Variants in DSCAML1 observed in about 807,000 individuals in gnomAD.
DSCAML1 encodes cell adhesion molecule DSCAML1.
A neutral mutation model predicts 200.5 loss-of-function variants in DSCAML1; 38 were observed. That is an observed-to-expected ratio of 0.19 (90% CI 0.15 to 0.25). The LOEUF is 0.25. DSCAML1 is among the 10% of genes least tolerant of loss of function. DSCAML1 has a pLI of 1.00. For missense variants in DSCAML1, 2,223 were observed against 2,858.8 expected (o/e 0.78, Z 5.07); for synonymous variants, 1,215 against 1,165.0 (o/e 1.04, Z -0.87).
At chr11:117,662,212 T>G (rs1361765560) in intron 3 of DSCAML1, among the ~76,000 whole-genome samples, 2 of 152,156 alleles carry the variant, frequency 1.3e-5, no homozygotes, top group Admixed American at 1.3e-4. Context: ...CATGTTTTTT[T>G]AAAAAAGGAT....
intron 19 of DSCAML1, among the ~76,000 whole-genome samples, chr11:117,453,410 G>T (rs2048316712): frequency 6.6e-6 from 1 of 152,062 alleles, no homozygotes; most frequent in African/African-American, 2.4e-5. Context: ...AATATCCTCT[G>T]GTATTTCTCT....
intron 3 of DSCAML1, among the ~76,000 whole-genome samples, chr11:117,669,810 G>A (rs79403057): frequency 0.017 from 2,661 of 152,340 alleles, 75 homozygotes; most frequent in South Asian, 0.14. Context: ...GGGCAGGGGC[G>A]GATGGAACAT....
intron 3 of DSCAML1, among the ~76,000 whole-genome samples, chr11:117,710,885 G>A (rs764665621): frequency 8.5e-5 from 13 of 152,110 alleles, no homozygotes; most frequent in East Asian, 1.9e-4. Context: ...AGAGCACATC[G>A]AGCCCTAAGC....
At chr11:117,672,102 G>GAAAAAATAAAAAAA (rs2053121526) in intron 3 of DSCAML1, among the ~76,000 whole-genome samples, 1 of 94,508 alleles carries the variant, frequency 1.1e-5, no homozygotes, top group African/African-American at 4.9e-5. Flanking sequence ...CTCCAGCTCA[G>GAAAAAATAAAAAAA]AAAAAAAAAA....
chr11:117,613,756 C>A (rs1042367861), intron 3 of DSCAML1, among the ~76,000 whole-genome samples: 3 of 152,156 alleles, frequency 2.0e-5, no homozygotes, highest in African/African-American at 7.2e-5. Context: ...CCCAGGGGGT[C>A]GGAGACTGAG....
chr11:117,773,188 C>T (rs970334789), intron 3 of DSCAML1, among the ~76,000 whole-genome samples: 5 of 152,146 alleles, frequency 3.3e-5, no homozygotes, highest in African/African-American at 1.2e-4. Flanking sequence ...CGTGGGAGAG[C>T]CAGCTCCCAT....
At position 117,694,411 on chromosome 11, in the gene DSCAML1, A is replaced by G. The variant is rs192601024; in HGVS notation, c.511+82380T>C. Among the ~76,000 whole-genome samples the G allele has an allele frequency of 1.9e-3, 279 of 143,934 alleles. 1 individual carries two copies. Among genetic ancestry groups the G allele is most frequent in the African/African-American group, 6.8e-3 (266 of 38,962 alleles). The allele number at this position is 143,934 out of a possible 152,430, so 94.4% of individuals were successfully genotyped here. On this transcript the variant is annotated intron_variant, in intron 3 of 32. Transcript: ENST00000651296. ...ACAGAGCTAGACTCCATCTCAAAAG[A>G]AAAAAAAAAAAAGATATGTGTCCAT... is the stretch of plus-strand genomic sequence containing the variant.
At chr11:117,710,761 C>G (rs1022565133) in intron 3 of DSCAML1, among the ~76,000 whole-genome samples, 1 of 152,182 alleles carries the variant, frequency 6.6e-6, no homozygotes, top group Non-Finnish European at 1.5e-5. Flanking sequence ...TAGGCAATGT[C>G]GGCTGAGCCC....
chr11:117,718,713 T>A (rs537817300), intron 3 of DSCAML1, among the ~76,000 whole-genome samples: 1 of 119,058 alleles, frequency 8.4e-6, no homozygotes, highest in Admixed American at 1.2e-4. Context: ...AAATCCTCTC[T>A]GGCTAGTGTG....
At chr11:117,630,573 C>T (rs1248306659) in intron 3 of DSCAML1, among the ~76,000 whole-genome samples, 4 of 145,822 alleles carry the variant, frequency 2.7e-5, no homozygotes, top group East Asian at 2.0e-4. Context: ...TGTGGCCCCA[C>T]AGCCTTGAGG....
At chr11:117,811,876 T>A (rs182146928) in intron 1 of DSCAML1, among the ~76,000 whole-genome samples, 2,142 of 151,986 alleles carry the variant, frequency 0.014, 48 homozygotes, top group African/African-American at 0.049. Context: ...CACATTACCT[T>A]CTTTTCAAAG....
chr11:117,762,896 T>C (rs2054829528), intron 3 of DSCAML1, among the ~76,000 whole-genome samples: 1 of 146,500 alleles, frequency 6.8e-6, no homozygotes, highest in South Asian at 2.1e-4. Context: ...ATAATAATAA[T>C]AATAATTTAA....
At chr11:117,644,292 C>T (rs982880452) in intron 3 of DSCAML1, among the ~76,000 whole-genome samples, 5 of 152,248 alleles carry the variant, frequency 3.3e-5, no homozygotes, top group Non-Finnish European at 7.3e-5. Context: ...AAGAAGTCCC[C>T]GACTCCAGCC....
At chr11:117,564,086 T>C (rs764208434) in intron 3 of DSCAML1, among the ~76,000 whole-genome samples, 42 of 152,202 alleles carry the variant, frequency 2.8e-4, no homozygotes, top group Non-Finnish European at 5.6e-4. Context: ...CACATAGTTT[T>C]CCATGTCACC....
At chr11:117,611,616 A>G (rs1346727967) in intron 3 of DSCAML1, 1 of 152,180 alleles carries the variant, frequency 6.6e-6, no homozygotes, top group Non-Finnish European at 1.5e-5. Flanking sequence ...CCCTGTGCTC[A>G]TTATCTGGGT....
At chr11:117,618,312 T>C (rs1187661636) in intron 3 of DSCAML1, among the ~76,000 whole-genome samples, 1 of 152,224 alleles carries the variant, frequency 6.6e-6, no homozygotes, top group Non-Finnish European at 1.5e-5. Flanking sequence ...ATCCATTCCA[T>C]TTTAAGATAG....
intron 11 of DSCAML1, among the ~76,000 whole-genome samples, chr11:117,500,458 T>C (rs2049373790): frequency 6.6e-6 from 1 of 152,262 alleles, no homozygotes; most frequent in South Asian, 2.1e-4. Context: ...TTGTGCCAAA[T>C]ACTGTATTAA....
At chr11:117,704,377 T>C (rs2053722434) in intron 3 of DSCAML1, among the ~76,000 whole-genome samples, 1 of 152,136 alleles carries the variant, frequency 6.6e-6, no homozygotes, top group Non-Finnish European at 1.5e-5. Flanking sequence ...TCTTTGTGCT[T>C]CTCACCCTCC....
chr11:117,511,979 A>T (rs2049629086), intron 8 of DSCAML1, among the ~76,000 whole-genome samples: 1 of 152,216 alleles, frequency 6.6e-6, no homozygotes, highest in Admixed American at 6.5e-5. Flanking sequence ...TTCGCAGCTT[A>T]GTGTTAGAAA....
Sources: allele counts gnomAD v4.1 joint callset (sites outside exome capture counted in the v4.1 genomes callset), GRCh38; gene constraint gnomAD v4.1.1; transcripts MANE v1.5; gene names NCBI Gene and HGNC (gene_info 2026-07-23, HGNC 2026-07-21).